GRIP2: variants seen among roughly 807,000 people sequenced by gnomAD.
GRIP2 encodes glutamate receptor-interacting protein 2.
In GRIP2, 58 loss-of-function variants were observed where a neutral mutation model predicts 108.3. The observed-to-expected ratio is 0.54, with a 90% CI of 0.43 to 0.67. The LOEUF (loss-of-function observed/expected upper bound fraction) is 0.67. GRIP2 is among the 30% of genes least tolerant of loss of function. The probability of loss-of-function intolerance (pLI) is 0.00; values close to 1 mark genes in which losing one functional copy is unlikely to be tolerated. For missense variants in GRIP2, 1,278 were observed against 1,430.6 expected, an observed-to-expected ratio of 0.89 and a Z score of 1.72; for synonymous variants, 586 against 598.2, an observed-to-expected ratio of 0.98 and a Z score of 0.30.
At chr3:14,556,147 A>G, upstream of GRIP2, 1 of 395,704 alleles carries the variant, frequency 2.5e-6, no homozygotes, top group East Asian at 3.6e-5. Flanking sequence ...TGGTGGCGGC[A>G]AGGCCCTTCC....
In GRIP2 at chr3:14,521,721, G is replaced by T; in HGVS notation, c.633C>A (p.Ser211Arg). The T allele has an allele frequency of 6.2e-7, 1 of 1,610,430 alleles. No individual in the cohort carries two copies. The highest frequency in any genetic ancestry group is 8.5e-7 in the Non-Finnish European group (1 of 1,178,820). The change falls in exon 7 of 24, where the codon AGC becomes AGA. Residue 211 changes from serine to arginine, a missense_variant. Ser to Arg is a moderately radical substitution (Grantham distance 110, BLOSUM62 -1). Coordinates refer to ENST00000621039, the MANE Select transcript of GRIP2 (RefSeq NM_001080423.4). The surrounding 1 kb of genome is among the most constrained non-coding windows in gnomAD (Gnocchi z 5.1). ...GCAGGGTGGCCAGGGCGGTGGCATGGCTGGCCCCGTGCAGCGGGATTCCAT... is the reference window on the plus strand; with the variant it reads ...GCAGGGTGGCCAGGGCGGTGGCATGTCTGGCCCCGTGCAGCGGGATTCCAT... ...SVDGIPLHGA[S>R]HATALATLRQ...
At chr3:14,543,386 G>A (rs576573354), upstream of GRIP2, among the ~76,000 whole-genome samples, 1 of 152,380 alleles carries the variant, frequency 6.6e-6, no homozygotes, top group African/African-American at 2.4e-5. Context: ...GAAATGGAGA[G>A]CTAAGGATAG....
At chr3:14,555,973 G>A (rs967739725) in exon 1 of GRIP2, 49 of 398,978 alleles carry the variant, frequency 1.2e-4, no homozygotes, top group Admixed American at 6.2e-4. Context: ...CCTGCCCTCC[G>A]GCAGAGCCCT....
chr3:14,531,148 T>C (rs1694700994), intron 1 of GRIP2: 1 of 152,120 alleles, frequency 6.6e-6, no homozygotes, highest in African/African-American at 2.4e-5. Context: ...TTCTTTTGGA[T>C]TTTCTATATA....
intron 21 of GRIP2, among the ~76,000 whole-genome samples, chr3:14,502,361 G>A (rs1574992123): frequency 6.6e-6 from 1 of 152,060 alleles, no homozygotes; most frequent in African/African-American, 2.4e-5. Flanking sequence ...GGGCATGGTG[G>A]CACATACCTT....
chr3:14,601,902 G>C, the GRIP2 span: 1 of 152,464 alleles, frequency 6.6e-6, no homozygotes, highest in South Asian at 2.1e-4. Flanking sequence ...CATAGATTTA[G>C]GTTCCCGGGC....
Position 14,506,942 on chromosome 3 carries a change from T to TC in GRIP2, c.2256dup (p.Thr753AspfsTer3), listed in dbSNP as rs780293965. 1 of 1,607,996 alleles carries TC rather than the reference T, an allele frequency of 6.2e-7. No homozygotes were observed. The highest frequency in any genetic ancestry group is 8.5e-7 in the Non-Finnish European group (1 of 1,177,310). The stretch of plus-strand genomic sequence containing the variant: ...GCTGGGTCCTCATCAGCATCACTGG[T>TC]CTCACTGAGGCTGCCCGACTTGCGG... On this transcript the variant is annotated frameshift_variant, in exon 19 of 24. Transcript: ENST00000621039. LOFTEE classifies it high-confidence loss of function.
chr3:14,540,862 A>G (rs1305167638), upstream of GRIP2, among the ~76,000 whole-genome samples: 1 of 152,326 alleles, frequency 6.6e-6, no homozygotes, highest in East Asian at 1.9e-4. The surrounding 1 kb of genome is among the most constrained non-coding windows in gnomAD (Gnocchi z 4.1). Flanking sequence ...GGGCCCTCCC[A>G]CCAATGTTCC....
upstream of GRIP2, chr3:14,542,140 CTTTTTATTTTTTATTT>C (rs2124964974): frequency 9.1e-7 from 1 of 1,100,288 alleles, no homozygotes; most frequent in South Asian, 1.5e-5. Flanking sequence ...CTCTTTCTCT[CTTTTTATTTTTTATTT>C]TTTTTATTTT....
chr3:14,523,505 GA>G, intron 5 of GRIP2, 106 bp downstream of exon 5: 1 of 776,244 alleles, frequency 1.3e-6, no homozygotes, highest in South Asian at 1.6e-5. Flanking sequence ...TTCAAAGTCA[GA>G]ACTGAGATAC....
chr3:14,593,268 T>C, the GRIP2 span, among the ~76,000 whole-genome samples: 1 of 152,156 alleles, frequency 6.6e-6, no homozygotes, highest in South Asian at 2.1e-4. Context: ...AAAAAAACAT[T>C]CCTGAGATAA....
chr3:14,592,631 C>T, the GRIP2 span, among the ~76,000 whole-genome samples: 2 of 152,148 alleles, frequency 1.3e-5, no homozygotes, highest in Non-Finnish European at 2.9e-5. Flanking sequence ...CCAGCACCGG[C>T]GGGAGTGTTT....
intron 2 of GRIP2, 48 bp from the exon 3 acceptor site, chr3:14,525,620 C>G (rs773295479): frequency 3.7e-6 from 6 of 1,606,178 alleles, no homozygotes; most frequent in East Asian, 2.2e-5. Context: ...TGGGGCCACC[C>G]CAGGCCCCCA....
chr3:14,512,746 C>T lies in GRIP2; in HGVS notation c.1720+31G>A. On this transcript the variant is annotated intron_variant, in intron 14 of 23. Coordinates refer to ENST00000621039, the MANE Select transcript of GRIP2 (RefSeq NM_001080423.4). This position sits in a 1 kb window ranked among gnomAD's most constrained non-coding sequence, Gnocchi z 5.1. ...TTTCCCCAGCAGTTGAGCTCGCTCC[C>T]AGGGGCAAACAGCAGCGGGAGGAGA... 1 of 1,603,710 alleles carries T rather than the reference C, an allele frequency of 6.2e-7. No individual in the cohort carries two copies. The highest frequency in any genetic ancestry group is 8.5e-7 in the Non-Finnish European group (1 of 1,171,732).
At chr3:14,561,540 A>G in the GRIP2 span, among the ~76,000 whole-genome samples, 2 of 152,234 alleles carry the variant, frequency 1.3e-5, no homozygotes, top group African/African-American at 4.8e-5. Context: ...GGCTGCACAG[A>G]GCCCAGGAGA....
chr3:14,577,302 A>C, the GRIP2 span, among the ~76,000 whole-genome samples: 3 of 152,254 alleles, frequency 2.0e-5, no homozygotes, highest in Admixed American at 1.3e-4. Flanking sequence ...TGAGAAATAG[A>C]AAAATGTTTG....
In GRIP2 at chr3:14,517,138, C is replaced by CGGGGAAGGGTGCTGGGGTTGTTGCA; in HGVS notation, c.1207_1231dup (p.Arg411LeufsTer91). 1 of 1,610,326 alleles carries CGGGGAAGGGTGCTGGGGTTGTTGCA rather than the reference C, an allele frequency of 6.2e-7. No homozygotes were observed. Among genetic ancestry groups the CGGGGAAGGGTGCTGGGGTTGTTGCA allele is most frequent in the Non-Finnish European group, 8.5e-7 (1 of 1,178,694 alleles). On this transcript the variant is annotated frameshift_variant, in exon 11 of 24. Transcript: ENST00000621039. LOFTEE classifies it high-confidence loss of function. Reference sequence around the variant, plus strand: ...TCGAGGACTCATGGGCTGGGATCCACGGGGAAGGGTGCTGGGGTTGTTGCA... The same window carrying CGGGGAAGGGTGCTGGGGTTGTTGCA: ...TCGAGGACTCATGGGCTGGGATCCACGGGGAAGGGTGCTGGGGTTGTTGCAGGGGAAGGGTGCTGGGGTTGTTGCA...
chr3:14,509,851 A>C lies in GRIP2; in HGVS notation c.2047T>G (p.Ser683Ala), dbSNP rs1229482062. 6.5e-7 allele frequency: 1 copy of C among 1,537,932 alleles called. No homozygotes were observed. The highest frequency in any genetic ancestry group is 8.8e-7 in the Non-Finnish European group (1 of 1,140,042). Residue 683 changes from serine to alanine, a missense_variant, in exon 17 of 24, where the codon TCA becomes GCA. Physicochemically the swap from Ser to Ala is moderately conservative, Grantham distance 99. Transcript: ENST00000621039. ...GCCAGGCCACGCTTGGTGAGGCCTG[A>C]GATGACAATGGGGTCAAAAGGTTCC... ...TEEPFDPIVI[S>A]GLTKRGLAER...
At chr3:14,567,019 C>A in the GRIP2 span, among the ~76,000 whole-genome samples, 3 of 151,048 alleles carry the variant, frequency 2.0e-5, no homozygotes, top group East Asian at 5.8e-4. Flanking sequence ...CCAAAGGACT[C>A]ACTTGAATGA....
Sources: allele counts gnomAD v4.1 joint callset (sites outside exome capture counted in the v4.1 genomes callset), GRCh38; gene constraint gnomAD v4.1.1; non-coding constraint Gnocchi (gnomAD v3.1); transcripts MANE v1.5; gene names NCBI Gene and HGNC (gene_info 2026-07-23, HGNC 2026-07-21).